The following GSG1L variants were observed in gnomAD, a reference collection of about 807,000 sequenced individuals.
GSG1L encodes germ cell-specific gene 1-like protein.
In GSG1L, 24 loss-of-function variants were observed where a neutral mutation model predicts 42.1. The observed-to-expected ratio is 0.57, with a 90% CI of 0.41 to 0.80. The LOEUF is 0.80. GSG1L is among the 30% of genes least tolerant of loss of function. The pLI is 0.00. For synonymous variants in GSG1L, 215 were observed against 203.5 expected, an observed-to-expected ratio of 1.06 and a Z score of -0.48; for missense variants, 445 against 472.2, an observed-to-expected ratio of 0.94 and a Z score of 0.53.
chr16:27,822,515 C>A (rs2083161406), intron 5 of GSG1L, among the ~76,000 whole-genome samples: 1 of 152,204 alleles, frequency 6.6e-6, no homozygotes, highest in Non-Finnish European at 1.5e-5. Context: ...CCCCCGGACT[C>A]AAGTGATCCT....
At chr16:28,032,371 G>A (rs780186157) in intron 1 of GSG1L, among the ~76,000 whole-genome samples, 1 of 152,136 alleles carries the variant, frequency 6.6e-6, no homozygotes, top group African/African-American at 2.4e-5. Flanking sequence ...ATTACAAAAC[G>A]AATAACAAAC....
chr16:27,903,651 C>A (rs755061199), intron 2 of GSG1L, among the ~76,000 whole-genome samples: 1 of 152,148 alleles, frequency 6.6e-6, no homozygotes, highest in Non-Finnish European at 1.5e-5. Flanking sequence ...CCCTTGGGGC[C>A]CTGGAGGGAG....
chr16:28,043,419 C>T (rs147474736), intron 1 of GSG1L, among the ~76,000 whole-genome samples: 25 of 152,234 alleles, frequency 1.6e-4, no homozygotes, highest in African/African-American at 6.0e-4. Flanking sequence ...GACGAACTTT[C>T]TAAACTATTT....
chr16:28,050,088 G>A (rs205405), intron 1 of GSG1L, among the ~76,000 whole-genome samples: 27,650 of 152,020 alleles, frequency 0.18, 3,136 homozygotes, highest in South Asian at 0.44. Flanking sequence ...TAATAGATGT[G>A]ATGAATGAAT....
chr16:27,971,777 G>A (rs908046668), intron 1 of GSG1L, among the ~76,000 whole-genome samples: 4 of 151,990 alleles, frequency 2.6e-5, no homozygotes, highest in African/African-American at 9.7e-5. Context: ...TTAGCTGTGG[G>A]GTTTTTTTAA....
chr16:27,967,668 A>G (rs2085150100), intron 1 of GSG1L, among the ~76,000 whole-genome samples: 1 of 152,338 alleles, frequency 6.6e-6, no homozygotes, highest in South Asian at 2.1e-4. Context: ...GCTCATGCCT[A>G]TAATCTCAGC....
intron 1 of GSG1L, among the ~76,000 whole-genome samples, chr16:28,009,761 G>A (rs146916667): frequency 1.5e-3 from 235 of 152,292 alleles, no homozygotes; most frequent in African/African-American, 5.1e-3. Context: ...TGACCCTGAG[G>A]GAGTCACTGC....
chr16:27,876,014 A>G (rs2083882711), intron 3 of GSG1L, among the ~76,000 whole-genome samples: 1 of 152,220 alleles, frequency 6.6e-6, no homozygotes, highest in South Asian at 2.1e-4. Context: ...ACAGATTTCC[A>G]GCATGATCCC....
At chr16:28,062,305 G>A (rs2086350549) in intron 1 of GSG1L, among the ~76,000 whole-genome samples, 1 of 152,202 alleles carries the variant, frequency 6.6e-6, no homozygotes, top group Non-Finnish European at 1.5e-5. Flanking sequence ...AGGCAAAGGG[G>A]ACAGTCTGAT....
At chr16:27,842,071 G>A (rs1312572105) in intron 4 of GSG1L, among the ~76,000 whole-genome samples, 2 of 150,732 alleles carry the variant, frequency 1.3e-5, no homozygotes, top group East Asian at 1.9e-4. Flanking sequence ...GCACGATGTC[G>A]CGCGTGCCGA....
intron 5 of GSG1L, among the ~76,000 whole-genome samples, chr16:27,807,895 A>G (rs1217296116): frequency 6.6e-6 from 1 of 152,250 alleles, no homozygotes; most frequent in Non-Finnish European, 1.5e-5. Context: ...AAAGATGTTT[A>G]CAGTTTCATT....
intron 3 of GSG1L, among the ~76,000 whole-genome samples, chr16:27,856,123 C>A (rs1335944244): frequency 1.3e-5 from 2 of 152,034 alleles, no homozygotes; most frequent in Admixed American, 1.3e-4. Context: ...GAGCAGCATA[C>A]CTGGCTTTGA....
chr16:28,012,819 C>T (rs1349172740), intron 1 of GSG1L, among the ~76,000 whole-genome samples: 1 of 151,248 alleles, frequency 6.6e-6, no homozygotes, highest in Non-Finnish European at 1.5e-5. Context: ...ATCACTTGAG[C>T]CCAAGAGTTC....
chr16:27,808,657 G>A lies in GSG1L; in HGVS notation c.831-1103C>T, dbSNP rs1191137056. ...TGGTCTCAAACTCCTGACCTCAGGTGATCCATCCACCTCGGCCTCCCAATA... is the reference window on the plus strand; with the variant it reads ...TGGTCTCAAACTCCTGACCTCAGGTAATCCATCCACCTCGGCCTCCCAATA... On this transcript the variant is annotated intron_variant, in intron 5 of 6. Coordinates refer to ENST00000447459, the MANE Select transcript of GSG1L (RefSeq NM_001109763.2). 3.3e-5 allele frequency among the ~76,000 whole-genome samples: 5 copies of A among 152,318 alleles called. No homozygotes were observed. In the East Asian group the frequency reaches 9.7e-4, roughly 29 times the overall value.
intron 1 of GSG1L, among the ~76,000 whole-genome samples, chr16:28,020,833 C>A (rs943350995): frequency 6.6e-6 from 1 of 152,186 alleles, no homozygotes; most frequent in East Asian, 1.9e-4. Flanking sequence ...AACTAGCCAG[C>A]CCCAACCAGG....
intron 2 of GSG1L, among the ~76,000 whole-genome samples, chr16:27,888,482 C>CCTTTCTTT (rs57811717): frequency 3.6e-4 from 25 of 68,942 alleles, no homozygotes; most frequent in African/African-American, 6.3e-4. Flanking sequence ...CTCTCTCTTT[C>CCTTTCTTT]CTTTCTTTCT....
intron 2 of GSG1L, among the ~76,000 whole-genome samples, chr16:27,889,709 T>C (rs563013976): frequency 6.6e-6 from 1 of 152,316 alleles, no homozygotes; most frequent in African/African-American, 2.4e-5. Flanking sequence ...GGGGTCAGAC[T>C]GGCCTGACAG....
In GSG1L at chr16:27,947,309, CT is replaced by C. The variant is rs1210506109; in HGVS notation, c.397+15846del. Among the ~76,000 whole-genome samples the C allele has an allele frequency of 2.0e-5, 3 of 150,590 alleles. No homozygotes were observed. In the Admixed American group the frequency reaches 2.0e-4, roughly 10 times the overall value. On this transcript the variant is annotated intron_variant, in intron 2 of 6. Transcript: ENST00000447459. ...GCCTGGCTAATGTTTCTTAACCTCT[CT>C]GAGCACAGCTTCCTGATCTGAAAAA... is the stretch of plus-strand genomic sequence containing the variant.
intron 2 of GSG1L, among the ~76,000 whole-genome samples, chr16:27,946,633 A>G (rs2891659): frequency 0.02 from 644 of 32,428 alleles, 10 homozygotes; most frequent in East Asian, 0.024. Flanking sequence ...GAGAGAGAGA[A>G]AGAAAGAAAG....
Sources: gnomAD v4.1 joint callset for allele counts (sites outside exome capture counted in the v4.1 genomes callset) on GRCh38, gnomAD v4.1.1 for gene constraint, MANE v1.5 for transcripts, NCBI Gene and HGNC (gene_info 2026-07-23, HGNC 2026-07-21) for gene names.